Variants in LATS1 observed in about 807,000 individuals in gnomAD.
The protein encoded by LATS1 is large tumor suppressor kinase 1.
LATS1 carries 25 observed loss-of-function variants against 106.6 expected under a neutral mutation model. That is an observed-to-expected ratio of 0.23 (90% confidence interval 0.17 to 0.33). The LOEUF is 0.33. Ranked by LOEUF, LATS1 falls within the 10% of genes least tolerant of loss-of-function variation. The probability of loss-of-function intolerance (pLI) is 1.00; values close to 1 mark genes in which losing one functional copy is unlikely to be tolerated. For synonymous variants in LATS1, 465 were observed against 455.6 expected (o/e 1.02, Z -0.26); for missense variants, 1,040 against 1,382.6 (o/e 0.75, Z 3.93).
intron 1 of LATS1, among the ~76,000 whole-genome samples, chr6:149,705,960 G>A (rs1237632741): frequency 6.6e-6 from 1 of 151,894 alleles, no homozygotes; most frequent in Non-Finnish European, 1.5e-5. Context: ...AAGGCGGGTG[G>A]ATCACCTGAG....
intron 7 of LATS1, chr6:149,675,699 G>C (rs1300127021): frequency 3.3e-5 from 5 of 152,348 alleles, no homozygotes; most frequent in African/African-American, 1.2e-4. Context: ...TGGGATTACA[G>C]GCGCCTGCCA....
chr6:149,706,868 TTA>T (rs1282181154), intron 1 of LATS1, among the ~76,000 whole-genome samples: 1 of 152,106 alleles, frequency 6.6e-6, no homozygotes. Flanking sequence ...GAGGATAAAT[TTA>T]TGTTGTTTTA....
chr6:149,669,647 G>T (rs1339132456), intron 7 of LATS1, among the ~76,000 whole-genome samples: 1 of 151,656 alleles, frequency 6.6e-6, no homozygotes, highest in Admixed American at 6.6e-5. Flanking sequence ...TGTAATCCAG[G>T]CTACTTGGGA....
intron 7 of LATS1, among the ~76,000 whole-genome samples, chr6:149,666,003 A>T (rs1781122701): frequency 6.6e-6 from 1 of 151,646 alleles, no homozygotes; most frequent in South Asian, 2.1e-4. Flanking sequence ...TTAGCTGGGC[A>T]TGGTAGCACA....
rs760700918 is a variant in LATS1, at chr6:149,701,947, T to G, written c.180A>C (p.Glu60Asp). Residue 60 changes from glutamate (E) to aspartate (D), a missense_variant, in exon 2 of 8, where the codon GAA (glutamate) becomes GAC (aspartate). Physicochemically the swap from Glu to Asp is conservative, Grantham distance 45. Around this residue, in one of 7 missense-constraint regions of LATS1, gnomAD observed 624 missense variants for 714.8 expected, o/e 0.87. Transcript: ENST00000543571. ...GTGGATTTCTGACTTGTCGAGGATC[T>G]TCGGTTGACATTTTACTCATGTTAT... ...AEHNMSKMST[E>D]DPRQVRNPPK... 2.5e-6 allele frequency: 4 copies of G among 1,614,086 alleles called. No homozygotes were observed. In the Admixed American group the frequency reaches 6.7e-5, roughly 27 times the overall value.
intron 3 of LATS1, among the ~76,000 whole-genome samples, chr6:149,692,783 T>C (rs1782839275): frequency 6.6e-6 from 1 of 151,950 alleles, no homozygotes; most frequent in South Asian, 2.1e-4. Context: ...CAAACAATTC[T>C]CCTGCCTGAG....
At chr6:149,694,036 G>A (rs1031328146) in intron 3 of LATS1, among the ~76,000 whole-genome samples, 3 of 152,134 alleles carry the variant, frequency 2.0e-5, no homozygotes, top group African/African-American at 7.2e-5. Context: ...GTTGCAGTGA[G>A]CTGAGAACAT....
In LATS1 at chr6:149,680,022, C is replaced by T. The variant is rs1354764305; in HGVS notation, c.2446G>A (p.Val816Ile). Residue 816 changes from valine (V) to isoleucine (I), a missense_variant, in exon 5 of 8, where the codon GTT (valine) becomes ATT (isoleucine). Physicochemically the swap from Val to Ile is conservative, Grantham distance 29 (BLOSUM62 3). Coordinates refer to ENST00000543571, the MANE Select transcript of LATS1 (RefSeq NM_004690.4). Reference protein sequence around the residue: ...RFYIAELTCAVESVHKMGFIH... With the variant: ...RFYIAELTCAIESVHKMGFIH... ...AAACCCATTTTATGAACACTTTCAA[C>T]TGCACAGGTAAGTTCTGCTATGTAG... The T allele has an allele frequency of 6.2e-7, 1 of 1,613,976 alleles. No homozygotes were observed. Among genetic ancestry groups the T allele is most frequent in the Admixed American group, 1.7e-5 (1 of 59,982 alleles).
intron 7 of LATS1, among the ~76,000 whole-genome samples, chr6:149,671,169 G>A (rs1781429696): frequency 6.6e-6 from 1 of 151,728 alleles, no homozygotes; most frequent in African/African-American, 2.4e-5. Context: ...GTCTCGCTCT[G>A]TCATCCCAGG....
At chr6:149,699,675 T>C (rs1227944006) in intron 2 of LATS1, among the ~76,000 whole-genome samples, 2 of 152,216 alleles carry the variant, frequency 1.3e-5, no homozygotes, top group African/African-American at 2.4e-5. Flanking sequence ...CAATTATTGT[T>C]ATTATTACCA....
rs373403835 is a variant in LATS1, at chr6:149,684,103, G to T, written c.986C>A (p.Pro329Gln). Residue 329 changes from proline to glutamine, a missense_variant, in exon 4 of 8, where the codon CCA becomes CAA. Pro to Gln is a moderately conservative substitution (Grantham distance 76). Around this residue, in one of 7 missense-constraint regions of LATS1, gnomAD observed 624 missense variants for 714.8 expected, o/e 0.87. Transcript: ENST00000543571. ...TTTGCTAGAACTCTGCATGATGATT[G>T]GTTGTCTGCCAACAGGAACAGAACT... is the stretch of plus-strand genomic sequence containing the variant. The part of the protein sequence containing the change: ...GISSVPVGRQ[P>Q]IIMQSSSKFN... 3.1e-6 allele frequency: 5 copies of T among 1,614,050 alleles called. No individual in the cohort carries two copies. The highest frequency in any genetic ancestry group is 3.4e-6 in the Non-Finnish European group (4 of 1,180,042).
intron 4 of LATS1, 108 bp from the exon 5 acceptor site, chr6:149,680,565 T>C: frequency 1.4e-6 from 1 of 740,436 alleles, no homozygotes; most frequent in East Asian, 2.7e-5. Flanking sequence ...AAATGCATAA[T>C]TTTTAATAAA....
intron 3 of LATS1, among the ~76,000 whole-genome samples, chr6:149,685,244 AAT>A (rs1002816921): frequency 6.6e-6 from 1 of 151,884 alleles, no homozygotes; most frequent in Non-Finnish European, 1.5e-5. Flanking sequence ...TCTCAAAAAA[AAT>A]ATATATATAT....
At chr6:149,714,173 C>T (rs1431628768) in intron 1 of LATS1, among the ~76,000 whole-genome samples, 3 of 150,486 alleles carry the variant, frequency 2.0e-5, no homozygotes, top group Admixed American at 6.6e-5. Flanking sequence ...GGGTTTGCCA[C>T]GTTGGCCAGG....
intron 4 of LATS1, 94 bp from the exon 5 acceptor site, chr6:149,680,551 G>C: frequency 1.2e-6 from 1 of 816,744 alleles, no homozygotes; most frequent in Non-Finnish European, 1.9e-6. Flanking sequence ...TATATTTAAA[G>C]GTTAAATGCA....
At chr6:149,674,949 G>A (rs1408386704) in intron 7 of LATS1, among the ~76,000 whole-genome samples, 1 of 151,592 alleles carries the variant, frequency 6.6e-6, no homozygotes, top group Non-Finnish European at 1.5e-5. Context: ...CATCATGTCT[G>A]GCCCTCAAAG....
chr6:149,678,496 T>C (rs1309925570), intron 5 of LATS1, among the ~76,000 whole-genome samples: 1 of 152,216 alleles, frequency 6.6e-6, no homozygotes, highest in Non-Finnish European at 1.5e-5. Flanking sequence ...GACACTAAAT[T>C]CCACTATGTC....
In LATS1 at chr6:149,684,937, G is replaced by C. The variant is rs539840590; in HGVS notation, c.497-345C>G. The stretch of plus-strand genomic sequence containing the variant: ...CTAAGTGGTTTCCTTTTACCTTTTA[G>C]AATTTTATTTATTTTTGACCAGGCG... On this transcript the variant is annotated intron_variant, in intron 3 of 7. Coordinates refer to ENST00000543571, the MANE Select transcript of LATS1 (RefSeq NM_004690.4). 4.1e-3 allele frequency among the ~76,000 whole-genome samples: 618 copies of C among 152,196 alleles called. 4 individuals carry two copies. The highest frequency in any genetic ancestry group is 5.9e-3 in the Non-Finnish European group (404 of 68,006).
chr6:149,680,358 T>C lies in LATS1; in HGVS notation c.2110A>G (p.Met704Val), dbSNP rs140832020. 4.3e-6 allele frequency: 7 copies of C among 1,613,988 alleles called. No homozygotes were observed. The highest frequency in any genetic ancestry group is 4.2e-6 in the Non-Finnish European group (5 of 1,179,940). ...CCTAGTGTCTTTATCTTCACAAACATAGACTTGTCCATTTTAGCCCTTTTA... is the reference window on the plus strand; with the variant it reads ...CCTAGTGTCTTTATCTTCACAAACACAGACTTGTCCATTTTAGCCCTTTTA... The part of the protein sequence containing the change: ...RLKRAKMDKS[M>V]FVKIKTLGIG... Residue 704 changes from methionine to valine, a missense_variant, in exon 5 of 8, where the codon ATG becomes GTG. By Grantham distance (21) the Met-to-Val change is conservative. This residue lies in a region of LATS1 where 167 missense variants were observed against 332.1 expected (regional missense o/e 0.50). Coordinates refer to ENST00000543571, the MANE Select transcript of LATS1 (RefSeq NM_004690.4).
Sources: gnomAD v4.1 joint callset for allele counts (sites outside exome capture counted in the v4.1 genomes callset) on GRCh38, gnomAD v4.1.1 for gene constraint, gnomAD v4.1.1 regional missense constraint, MANE v1.5 for transcripts, NCBI Gene and HGNC (gene_info 2026-07-23, HGNC 2026-07-21) for gene names.